Variants in IL1RAPL2 observed in about 807,000 individuals in gnomAD.
IL1RAPL2 encodes the protein interleukin 1 receptor accessory protein like 2.
IL1RAPL2 carries 3 observed loss-of-function variants against 44.1 expected under a neutral mutation model. The ratio of observed to expected loss-of-function variants is 0.07; its 90% CI spans 0.03 to 0.18. IL1RAPL2 has a LOEUF of 0.18. Ranked by LOEUF, IL1RAPL2 falls within the 10% of genes least tolerant of loss-of-function variation. The pLI, the probability that IL1RAPL2 is intolerant of heterozygous loss-of-function variation, is 1.00. For missense variants in IL1RAPL2, 391 were observed against 496.4 expected, an observed-to-expected ratio of 0.79 and a Z score of 2.02; for synonymous variants, 181 against 178.8, an observed-to-expected ratio of 1.01 and a Z score of -0.10.
chrX:105,101,378 G>A (rs1008343105), intron 2 of IL1RAPL2, among the ~76,000 whole-genome samples: 23 of 111,984 alleles, frequency 2.1e-4, no homozygotes, highest in African/African-American at 7.5e-4. Flanking sequence ...GATGCCAAAT[G>A]CCAGTTGACT....
intron 2 of IL1RAPL2, among the ~76,000 whole-genome samples, chrX:105,133,293 A>T (rs987843911): frequency 2.7e-5 from 3 of 112,027 alleles, no homozygotes; most frequent in Non-Finnish European, 5.6e-5. Context: ...ACTATGGTTG[A>T]TAGCACCTTA....
intron 4 of IL1RAPL2, among the ~76,000 whole-genome samples, chrX:105,235,470 C>T (rs2034112381): frequency 9.0e-6 from 1 of 111,341 alleles, no homozygotes; most frequent in Non-Finnish European, 1.9e-5. Context: ...GACAGACCCT[C>T]AGTTCCTAGG....
chrX:105,620,457 G>C (rs2037411458), intron 6 of IL1RAPL2, among the ~76,000 whole-genome samples: 1 of 110,567 alleles, frequency 9.0e-6, no homozygotes. Flanking sequence ...TCCAAGTCCT[G>C]AGATAAAGTG....
At chrX:105,094,642 T>A (rs1050500952) in intron 2 of IL1RAPL2, among the ~76,000 whole-genome samples, 1 of 111,549 alleles carries the variant, frequency 9.0e-6, no homozygotes, top group African/African-American at 3.3e-5. Context: ...TTGTTCTTTT[T>A]TTCAGATTGT....
chrX:105,254,057 T>C (rs2034294844), intron 4 of IL1RAPL2, among the ~76,000 whole-genome samples: 1 of 111,813 alleles, frequency 8.9e-6, no homozygotes, highest in Admixed American at 9.5e-5. Flanking sequence ...TATATTCCTC[T>C]GGGTATATAC....
intron 2 of IL1RAPL2, among the ~76,000 whole-genome samples, chrX:104,928,169 A>AC: frequency 9.0e-6 from 1 of 111,591 alleles, no homozygotes; most frequent in Non-Finnish European, 1.9e-5. Flanking sequence ...AATCCAGTGT[A>AC]ACTGGATTGT....
At chrX:105,129,213 G>T (rs1044587718) in intron 2 of IL1RAPL2, among the ~76,000 whole-genome samples, 3 of 110,584 alleles carry the variant, frequency 2.7e-5, no homozygotes, top group African/African-American at 9.8e-5. Context: ...AATCAAGGCT[G>T]CCAGAAGATT....
chrX:104,952,745 T>C (rs1366628175), intron 2 of IL1RAPL2, among the ~76,000 whole-genome samples: 1 of 112,069 alleles, frequency 8.9e-6, no homozygotes, highest in Non-Finnish European at 1.9e-5. Context: ...AAAAGAAAGA[T>C]GCTAAGTCCT....
chrX:105,151,608 A>G (rs1193823193), intron 2 of IL1RAPL2, among the ~76,000 whole-genome samples: 1 of 110,417 alleles, frequency 9.1e-6, no homozygotes, highest in Non-Finnish European at 1.9e-5. Flanking sequence ...GGAAAACTCC[A>G]CTTCCTCTAT....
intron 2 of IL1RAPL2, among the ~76,000 whole-genome samples, chrX:104,792,164 A>G (rs1932829590): frequency 9.0e-6 from 1 of 111,074 alleles, no homozygotes; most frequent in Non-Finnish European, 1.9e-5. Context: ...GGAAGGGACT[A>G]GCCTAACAGA....
chrX:104,794,965 C>T (rs1932842271), intron 2 of IL1RAPL2, among the ~76,000 whole-genome samples: 1 of 111,719 alleles, frequency 9.0e-6, no homozygotes, highest in Non-Finnish European at 1.9e-5. Context: ...GCTGTGGGGC[C>T]ATTTTTTATG....
intron 6 of IL1RAPL2, among the ~76,000 whole-genome samples, chrX:105,667,635 G>GATTGATGT (rs2037781596): frequency 9.0e-6 from 1 of 111,616 alleles, no homozygotes; most frequent in South Asian, 3.8e-4. Flanking sequence ...AGTTTGAATA[G>GATTGATGT]ATTGATGTAA....
intron 2 of IL1RAPL2, among the ~76,000 whole-genome samples, chrX:105,077,539 G>A (rs1469156183): frequency 3.6e-5 from 4 of 110,672 alleles, no homozygotes; most frequent in East Asian, 2.8e-4. Context: ...TGCTCTTCTC[G>A]AGGAGTATCT....
intron 5 of IL1RAPL2, among the ~76,000 whole-genome samples, chrX:105,425,682 C>T (rs2035804590): frequency 9.1e-6 from 1 of 110,283 alleles, no homozygotes; most frequent in Non-Finnish European, 1.9e-5. Flanking sequence ...TTATCTTTTC[C>T]AACTCCTAAT....
chrX:105,238,443 C>T (rs996658043), intron 4 of IL1RAPL2, among the ~76,000 whole-genome samples: 21 of 111,378 alleles, frequency 1.9e-4, no homozygotes, highest in Middle Eastern at 4.7e-3. Context: ...TTGAAACCCA[C>T]TGAAAAATAG....
intron 2 of IL1RAPL2, among the ~76,000 whole-genome samples, chrX:105,049,957 C>A (rs768870752): frequency 8.9e-6 from 1 of 112,004 alleles, no homozygotes; most frequent in Non-Finnish European, 1.9e-5. Context: ...TCTGAAACTA[C>A]TGTCAGAGTT....
rs1348314361 is a variant in IL1RAPL2 at position 104,635,697 on chromosome X, C to T, written c.-19-23198C>T. ...GTTCCGTGGTTTTCAGCTCCATCAG[C>T]TCCTTTAAGGACTTCTCTGCATTGG... On this transcript the variant is annotated intron_variant, in intron 1 of 10. Coordinates refer to ENST00000372582, the MANE Select transcript of IL1RAPL2 (RefSeq NM_017416.2). Among the ~76,000 whole-genome samples the T allele has an allele frequency of 2.7e-5, 3 of 111,596 alleles. No homozygotes were observed. The Admixed American group carries it at 2.9e-4, about 11-fold the overall frequency.
chrX:104,861,101 C>T (rs1922481972), intron 2 of IL1RAPL2, among the ~76,000 whole-genome samples: 1 of 111,873 alleles, frequency 8.9e-6, no homozygotes, highest in Non-Finnish European at 1.9e-5. Context: ...CTAACCACTA[C>T]CCCTTGATAG....
At chrX:105,315,653 C>T (rs2034834893) in intron 5 of IL1RAPL2, among the ~76,000 whole-genome samples, 1 of 84,367 alleles carries the variant, frequency 1.2e-5, no homozygotes, top group East Asian at 4.3e-4. Flanking sequence ...AGTAGGCTGT[C>T]TGCAAGCTTG....
Sources: gnomAD v4.1 joint callset for allele counts (sites outside exome capture counted in the v4.1 genomes callset) on GRCh38, gnomAD v4.1.1 for gene constraint, MANE v1.5 for transcripts, NCBI Gene and HGNC (gene_info 2026-07-23, HGNC 2026-07-21) for gene names.